Variants in AGXT2 observed in about 807,000 individuals in gnomAD.
The protein encoded by AGXT2 is alanine--glyoxylate aminotransferase 2, also known as alanine--glyoxylate aminotransferase 2, mitochondrial.
AGXT2 carries 61 observed loss-of-function variants against 62.5 expected under a neutral mutation model. That is an observed-to-expected ratio of 0.98 (90% CI 0.79 to 1.21). AGXT2 has a LOEUF of 1.21. Ranked by LOEUF, AGXT2 falls within the 50% of genes most tolerant of loss-of-function variation. The pLI, the probability that AGXT2 is intolerant of heterozygous loss-of-function variation, is 0.00. For missense variants in AGXT2, 666 were observed against 641.5 expected (o/e 1.04, Z -0.41); for synonymous variants, 243 against 218.7 (o/e 1.11, Z -0.98).
chr5:35,047,835 T>TG lies in AGXT2; in HGVS notation c.57dup (p.Arg20GlnfsTer4), dbSNP rs1294644501. The TG allele has an allele frequency of 6.2e-7, 1 of 1,614,064 alleles. No homozygotes were observed. The stretch of plus-strand genomic sequence containing the variant: ...AGGAAAGGATGCATCTCAAGGATCC[T>TG]GGGAGCGGAAGTGACCAGGCACAAG... On this transcript the variant is annotated frameshift_variant, in exon 1 of 14. Transcript: ENST00000231420. LOFTEE classifies it high-confidence loss of function.
intron 9 of AGXT2, among the ~76,000 whole-genome samples, chr5:35,023,344 G>A (rs533706240): frequency 1.3e-5 from 2 of 152,254 alleles, no homozygotes; most frequent in Admixed American, 6.5e-5. Flanking sequence ...CATGCAAAGT[G>A]TTATGAACAG....
chr5:35,030,542 A>C (rs1767528122), intron 7 of AGXT2, among the ~76,000 whole-genome samples: 1 of 152,060 alleles, frequency 6.6e-6, no homozygotes. Flanking sequence ...AAAGAAAACA[A>C]CTGACTTCAG....
chr5:35,015,849 C>CA (rs557021858), intron 9 of AGXT2, among the ~76,000 whole-genome samples: 12,007 of 69,132 alleles, frequency 0.17, 1,180 homozygotes, highest in East Asian at 0.35. Flanking sequence ...GACTCCATCT[C>CA]AAAAAAAAAA....
rs1561225393 is a variant in AGXT2, at chr5:35,026,465, G to GT, written c.814dup (p.Thr272AsnfsTer37). On this transcript the variant is annotated frameshift_variant, in exon 8 of 14. Coordinates refer to ENST00000231420, the MANE Select transcript of AGXT2 (RefSeq NM_031900.4). LOFTEE classifies it high-confidence loss of function. Reference sequence around the variant, plus strand: ...TGACTTGGCCACAGATGTGCTCAGCGTATCTTTGAATTGCTCAATATACTG... The same window carrying GT: ...TGACTTGGCCACAGATGTGCTCAGCGTTATCTTTGAATTGCTCAATATACTG... The GT allele has an allele frequency of 4.3e-6, 7 of 1,613,810 alleles. No individual in the cohort carries two copies. The highest frequency in any genetic ancestry group is 1.3e-5 in the African/African-American group (1 of 75,016).
At chr5:35,035,360 T>C in intron 4 of AGXT2, 44 bp from the exon 5 acceptor site, 1 of 1,534,886 alleles carries the variant, frequency 6.5e-7, no homozygotes, top group Non-Finnish European at 9.0e-7. Context: ...TTTATTTCCT[T>C]ATTACCCATT....
At chr5:35,012,801 A>G (rs1051812950) in intron 11 of AGXT2, 153 bp downstream of exon 11, 2 of 784,268 alleles carry the variant, frequency 2.6e-6, no homozygotes, top group South Asian at 1.6e-5. Flanking sequence ...GGGAGAAGGC[A>G]GAATAATAAA....
chr5:35,019,857 T>G (rs980146281), intron 9 of AGXT2, among the ~76,000 whole-genome samples: 1 of 151,586 alleles, frequency 6.6e-6, no homozygotes, highest in Non-Finnish European at 1.5e-5. Flanking sequence ...GAGAGAAGAA[T>G]CAAATAGATG....
At position 34,998,839 on chromosome 5, in the gene AGXT2, CAA is replaced by C; in HGVS notation, c.1438-15_1438-14del. 1.3e-6 allele frequency: 2 copies of C among 1,569,850 alleles called. No individual in the cohort carries two copies. Among genetic ancestry groups the C allele is most frequent in the Non-Finnish European group, 1.8e-6 (2 of 1,141,162 alleles). ...CAATGCGAAATGTCTGAGGAGACAC[CAA>C]AAAATAAGAAAACAAATCATCAGAG... On this transcript the variant is annotated splice_polypyrimidine_tract_variant and intron_variant, in intron 13 of 13. Coordinates refer to ENST00000231420, the MANE Select transcript of AGXT2 (RefSeq NM_031900.4).
chr5:35,013,528 G>T (rs1168625825), intron 10 of AGXT2, among the ~76,000 whole-genome samples: 1 of 152,130 alleles, frequency 6.6e-6, no homozygotes, highest in Non-Finnish European at 1.5e-5. Flanking sequence ...GCTCACGCCT[G>T]TAATCCCATC....
intron 9 of AGXT2, among the ~76,000 whole-genome samples, chr5:35,014,928 C>G (rs541931596): frequency 6.6e-6 from 1 of 152,204 alleles, no homozygotes; most frequent in African/African-American, 2.4e-5. Context: ...ATGCCTTCCC[C>G]TTCCTGAGAA....
chr5:35,035,754 G>A (rs921880129), intron 4 of AGXT2, among the ~76,000 whole-genome samples: 1 of 152,156 alleles, frequency 6.6e-6, no homozygotes, highest in Non-Finnish European at 1.5e-5. Context: ...GTCCCAGCCT[G>A]ACTATGCTGT....
chr5:35,046,154 A>G (rs1184625648), intron 1 of AGXT2, among the ~76,000 whole-genome samples: 5 of 152,090 alleles, frequency 3.3e-5, no homozygotes, highest in Non-Finnish European at 7.4e-5. Flanking sequence ...CAAGATCTCT[A>G]GGTACTAGGC....
chr5:35,047,885 A>G lies in AGXT2; in HGVS notation c.8T>C (p.Leu3Pro). Residue 3 changes from leucine (L) to proline (P), a missense_variant, in exon 1 of 14, where the codon CTA (leucine) becomes CCA (proline). Transcript: ENST00000231420. ...GGGTCTCAGCAAATGTCTCCAGATT[A>G]GAGTCATTTCTCCCACTCAGAAAGC... The part of the protein sequence containing the change: MT[L>P]IWRHLLRPLC... 6.2e-7 allele frequency: 1 copy of G among 1,614,076 alleles called. No individual in the cohort carries two copies. Among genetic ancestry groups the G allele is most frequent in the Non-Finnish European group, 8.5e-7 (1 of 1,179,972 alleles).
intron 10 of AGXT2, 97 bp from the exon 11 acceptor site, chr5:35,013,142 T>C (rs1580578150): frequency 1.9e-6 from 2 of 1,055,632 alleles, no homozygotes. Context: ...GTGTTGTAAA[T>C]GGCATCCAAT....
chr5:35,037,175 G>C, intron 3 of AGXT2, 110 bp from the exon 4 acceptor site: 1 of 1,513,846 alleles, frequency 6.6e-7, no homozygotes. Flanking sequence ...GTTTCAAGAG[G>C]CAGATTTTAT....
chr5:35,045,779 T>TC (rs1768175095), intron 1 of AGXT2, among the ~76,000 whole-genome samples: 1 of 144,814 alleles, frequency 6.9e-6, no homozygotes, highest in South Asian at 2.2e-4. Context: ...TTTTTTTTTT[T>TC]TTTTTTGAGA....
At position 35,014,063 on chromosome 5, in the gene AGXT2, A is replaced by G. The variant is rs147570589; in HGVS notation, c.1020T>C (p.Asp340=). ...GSHFWGFQTH[D]VLPDIVTMAK... ...CCATGGTGACAATGTCAGGCAGGAC[A>G]TCGTGGGTTTGGAAGCCCCAGAAGT... The change falls in exon 10 of 14, where the codon GAT becomes GAC. Residue 340 remains aspartate, a synonymous_variant. Transcript: ENST00000231420. The G allele has an allele frequency of 1.6e-4, 257 of 1,614,076 alleles. No homozygotes were observed. Among genetic ancestry groups the G allele is most frequent in the Non-Finnish European group, 2.0e-4 (236 of 1,180,042 alleles).
chr5:35,005,246 T>C (rs572263008), intron 12 of AGXT2, among the ~76,000 whole-genome samples: 1 of 152,186 alleles, frequency 6.6e-6, no homozygotes, highest in Non-Finnish European at 1.5e-5. Flanking sequence ...TTTTGTTTTC[T>C]GAGTCAGAGT....
Position 35,025,111 on chromosome 5 carries a change from C to A in AGXT2, c.963+652G>T, listed in dbSNP as rs370776781. 1.1e-4 allele frequency among the ~76,000 whole-genome samples: 17 copies of A among 152,296 alleles called. No homozygotes were observed. The East Asian group carries it at 1.5e-3, about 14-fold the overall frequency. ...GGCTATCAGGCCTGGCACGGTGGCT[C>A]ACGTCTCTAATGCCAGTACTTTGGG... On this transcript the variant is annotated intron_variant, in intron 9 of 13. Coordinates refer to ENST00000231420, the MANE Select transcript of AGXT2 (RefSeq NM_031900.4).
Sources: gnomAD v4.1 joint callset for allele counts (sites outside exome capture counted in the v4.1 genomes callset) on GRCh38, gnomAD v4.1.1 for gene constraint, MANE v1.5 for transcripts, NCBI Gene and HGNC (gene_info 2026-07-23, HGNC 2026-07-21) for gene names.